GSE1: variants seen among roughly 807,000 people sequenced by gnomAD.
GSE1 encodes the protein Gse1 coiled-coil protein.
Under a neutral mutation model 112.6 loss-of-function variants are expected in GSE1, and 32 were observed. The ratio of observed to expected loss-of-function variants is 0.28; its 90% confidence interval spans 0.21 to 0.38. The LOEUF is 0.38. Among genes scored for constraint, GSE1 ranks in the 10% least tolerant of loss-of-function variants. GSE1 has a pLI of 1.00. For missense variants in GSE1, 2,348 were observed against 1,699.2 expected, an observed-to-expected ratio of 1.38 and a Z score of -6.71; for synonymous variants, 1,115 against 735.6, an observed-to-expected ratio of 1.52 and a Z score of -8.35.
chr16:85,431,503 C>G (rs548597341), intron 2 of GSE1, among the ~76,000 whole-genome samples: 1 of 152,252 alleles, frequency 6.6e-6, no homozygotes, highest in African/African-American at 2.4e-5. Flanking sequence ...ACTTGCAGAG[C>G]GCGTCTCTGA....
At chr16:85,502,579 C>T (rs939328526) in intron 2 of GSE1, among the ~76,000 whole-genome samples, 4 of 152,190 alleles carry the variant, frequency 2.6e-5, no homozygotes, top group Non-Finnish European at 2.9e-5. Flanking sequence ...CCTGGTGGTC[C>T]GAGTTCTTGG....
chr16:85,349,630 G>T (rs1168806099), intron 1 of GSE1, among the ~76,000 whole-genome samples: 3 of 152,074 alleles, frequency 2.0e-5, no homozygotes, highest in African/African-American at 7.2e-5. Context: ...CAGCGCCCTG[G>T]GGAAGGGACT....
chr16:85,252,126 G>A (rs1368041796), intron 1 of GSE1, among the ~76,000 whole-genome samples: 1 of 152,248 alleles, frequency 6.6e-6, no homozygotes, highest in Admixed American at 6.5e-5. Flanking sequence ...AACGAAGCTT[G>A]GAAATGACGG....
chr16:85,371,224 G>C (rs1420955835), intron 2 of GSE1, among the ~76,000 whole-genome samples: 1 of 152,236 alleles, frequency 6.6e-6, no homozygotes, highest in Non-Finnish European at 1.5e-5. Context: ...CCAGGGGCTG[G>C]GCCAGGCAGT....
At chr16:85,258,605 A>C (rs147551080) in intron 1 of GSE1, among the ~76,000 whole-genome samples, 1,599 of 152,190 alleles carry the variant, frequency 0.011, 40 homozygotes, top group African/African-American at 0.036. Context: ...CCAAGGCATC[A>C]GGAATCCCAG....
At chr16:85,640,784 C>T (rs552608839) in intron 2 of GSE1, among the ~76,000 whole-genome samples, 9 of 152,268 alleles carry the variant, frequency 5.9e-5, no homozygotes, top group East Asian at 1.9e-4. Flanking sequence ...AGGCGCGCCT[C>T]GCGTGGGTGT....
intron 1 of GSE1, among the ~76,000 whole-genome samples, chr16:85,331,383 G>GTATATATATGTATATATATGTA (rs2046345615): frequency 1.7e-5 from 2 of 115,760 alleles, no homozygotes; most frequent in Admixed American, 1.8e-4. Context: ...GTATATATAT[G>GTATATATATGTATATATATGTA]TATATATATG....
At chr16:85,401,933 C>T (rs1356253775) in intron 2 of GSE1, among the ~76,000 whole-genome samples, 2 of 152,234 alleles carry the variant, frequency 1.3e-5, no homozygotes, top group Admixed American at 1.3e-4. Flanking sequence ...GTGGGCACTT[C>T]TGGGGGATCC....
At chr16:85,291,930 G>A (rs184837986) in intron 1 of GSE1, among the ~76,000 whole-genome samples, 26 of 152,300 alleles carry the variant, frequency 1.7e-4, no homozygotes, top group South Asian at 4.2e-4. Flanking sequence ...AGGCTATGGG[G>A]ACTTACATAG....
rs917028185 is a variant in GSE1, at chr16:85,205,754, G to A, written c.2283+33947G>A. ...TGCCTTGTGGGGAGCTCTGGGGAGC[G>A]GGACCCAGGGGCCCATCTGTGAAAT... On this transcript the variant is annotated intron_variant, in intron 1 of 2. Transcript: ENST00000637419. Among the ~76,000 whole-genome samples, 8 of 152,310 alleles carry A rather than the reference G, an allele frequency of 5.3e-5. No individual in the cohort carries two copies. The East Asian group carries it at 7.7e-4, about 15-fold the overall frequency.
intron 1 of GSE1, among the ~76,000 whole-genome samples, chr16:85,186,235 C>A (rs2143380426): frequency 6.6e-6 from 1 of 152,236 alleles, no homozygotes; most frequent in Admixed American, 6.5e-5. Flanking sequence ...GTTTGAGAGG[C>A]AAGGCAGGAG....
intron 1 of GSE1, among the ~76,000 whole-genome samples, chr16:85,356,414 C>T (rs1171074371): frequency 6.6e-6 from 1 of 152,222 alleles, no homozygotes; most frequent in East Asian, 1.9e-4. Context: ...TGTCAGTGGT[C>T]AGTGGCCAGT....
At chr16:85,656,737 A>T (rs1567738362) in intron 7 of GSE1, 72 bp downstream of exon 7, 1 of 1,435,966 alleles carries the variant, frequency 7.0e-7, no homozygotes. Context: ...GAATCGCAGC[A>T]CCTGCCGGTT....
chr16:85,633,009 C>CTGG (rs904810329), intron 1 of GSE1, among the ~76,000 whole-genome samples: 4 of 120,124 alleles, frequency 3.3e-5, no homozygotes, highest in African/African-American at 1.2e-4. Context: ...GCTCAGACCT[C>CTGG]TGGTGCCGCC....
At position 85,662,728 on chromosome 16, in the gene GSE1, T is replaced by C. The variant is rs555841595; in HGVS notation, c.2261-253T>C. The C allele has an allele frequency of 5.1e-4, 249 of 485,504 alleles. 2 individuals are homozygous for C. The highest frequency in any genetic ancestry group is 4.6e-3 in the African/African-American group (232 of 50,670). 30.1% of individuals were successfully genotyped at this position (485,504 alleles called of 1,614,324 possible). ...CCCTGCCAGGGGGAGGAGGGAGGTC[T>C]TGTCAGCCCAGGGGACCACCCAGCT... On this transcript the variant is annotated intron_variant, in intron 9 of 15. Coordinates refer to ENST00000253458, the MANE Select transcript of GSE1 (RefSeq NM_014615.5).
intron 1 of GSE1, among the ~76,000 whole-genome samples, chr16:85,558,602 C>A (rs536792275): frequency 4.6e-5 from 7 of 152,056 alleles, no homozygotes; most frequent in African/African-American, 1.7e-4. Context: ...TTTGTCCTGA[C>A]CCCCAGGGAG....
chr16:85,659,210 G>A (rs1189593186), intron 8 of GSE1, among the ~76,000 whole-genome samples: 1 of 152,174 alleles, frequency 6.6e-6, no homozygotes, highest in East Asian at 1.9e-4. Flanking sequence ...GAGCCTTGGT[G>A]GCTGTGTTTA....
Position 85,239,195 on chromosome 16 carries a change from G to A in GSE1, c.2283+67388G>A, listed in dbSNP as rs150499105. Among the ~76,000 whole-genome samples the A allele has an allele frequency of 3.7e-4, 56 of 152,324 alleles. 1 individual carries two copies. Among genetic ancestry groups the A allele is most frequent in the African/African-American group, 1.3e-3 (55 of 41,572 alleles). On this transcript the variant is annotated intron_variant, in intron 1 of 2. Transcript: ENST00000637419. ...GATCCACCCACCTCTGCCTCCCAAAGTACTGGGATTATGGGCATGAGTCAC... is the reference window on the plus strand; with the variant it reads ...GATCCACCCACCTCTGCCTCCCAAAATACTGGGATTATGGGCATGAGTCAC...
Position 85,393,602 on chromosome 16 carries a change from A to G in GSE1, c.2464+35959A>G, listed in dbSNP as rs377558701. On this transcript the variant is annotated intron_variant, in intron 2 of 2. Transcript: ENST00000637419. ...TGCAGAGACTACTACTGAGTCCCAA[A>G]GAGCCACCTATCCCTGACTGAGACA... is the stretch of plus-strand genomic sequence containing the variant. 3.3e-5 allele frequency among the ~76,000 whole-genome samples: 5 copies of G among 152,358 alleles called. No homozygotes were observed. In the East Asian group the frequency reaches 9.7e-4, roughly 29 times the overall value.
Sources: allele counts gnomAD v4.1 joint callset (sites outside exome capture counted in the v4.1 genomes callset), GRCh38; gene constraint gnomAD v4.1.1; transcripts MANE v1.5; gene names NCBI Gene and HGNC (gene_info 2026-07-23, HGNC 2026-07-21).